The following CD93 variants were observed in gnomAD, a reference collection of about 807,000 sequenced individuals.
CD93 encodes CD93 molecule.
A neutral mutation model predicts 45.5 loss-of-function variants in CD93; 44 were observed. That is an observed-to-expected ratio of 0.97 (90% CI 0.76 to 1.24). The LOEUF is 1.24. CD93 is among the 50% of genes most tolerant of loss of function. The pLI, the probability that CD93 is intolerant of heterozygous loss-of-function variation, is 0.00. For synonymous variants in CD93, 431 were observed against 370.8 expected, an observed-to-expected ratio of 1.16 and a Z score of -1.87; for missense variants, 918 against 844.5, an observed-to-expected ratio of 1.09 and a Z score of -1.08.
chr20:23,085,638 T>G lies in CD93; in HGVS notation c.555A>C (p.Lys185Asn). ...IEGFVCKFSF[K>N]GMCRPLALGG... ...CCAGGGCCAGAGGCCGGCACATGCC[T>G]TTGAAGCTGAACTTGCACACGAAGC... is the stretch of plus-strand genomic sequence containing the variant. Residue 185 changes from lysine to asparagine, a missense_variant, in exon 1 of 2, where the codon AAA becomes AAC. Transcript: ENST00000246006. The G allele has an allele frequency of 6.2e-7, 1 of 1,612,462 alleles. No homozygotes were observed. The highest frequency in any genetic ancestry group is 1.1e-5 in the South Asian group (1 of 91,038).
At position 23,085,455 on chromosome 20, in the gene CD93, A is replaced by G. The variant is rs1179449455; in HGVS notation, c.738T>C (p.Asp246=). The part of the protein sequence containing the change: ...HYFLCKEKAP[D]VFDWGSSGPL... ...GGCCCGAGCTGCCCCAGTCGAACAC[A>G]TCGGGGGCCTTCTCCTTGCACAGGA... The change falls in exon 1 of 2, where the codon GAT becomes GAC. Residue 246 remains aspartate, a synonymous_variant. Coordinates refer to ENST00000246006, the MANE Select transcript of CD93 (RefSeq NM_012072.4). 1.9e-6 allele frequency: 3 copies of G among 1,613,892 alleles called. No individual in the cohort carries two copies. The highest frequency in any genetic ancestry group is 2.5e-6 in the Non-Finnish European group (3 of 1,180,026).
In CD93 at chr20:23,083,308, T is replaced by A. The variant is rs755007164; in HGVS notation, c.*642A>T. ...CAAATAAACCCAAGGCTATTAGAAA[T>A]GTAAGAACTAAAGAGGCACTTCCTG... is the stretch of plus-strand genomic sequence containing the variant. On this transcript the variant is annotated 3_prime_UTR_variant, in exon 2 of 2. Transcript: ENST00000246006. The A allele has an allele frequency of 6.6e-6, 1 of 152,304 alleles. No homozygotes were observed. Among genetic ancestry groups the A allele is most frequent in the African/African-American group, 2.4e-5 (1 of 41,458 alleles). 9.4% of individuals were successfully genotyped at this position (152,304 alleles called of 1,614,324 possible). A position where few individuals can be genotyped will look rare whatever the true frequency, so the allele number is the denominator to read the frequency against.
rs1339431351 is a variant in CD93 at position 23,085,896 on chromosome 20, T to C, written c.297A>G (p.Arg99=). 6.9e-7 allele frequency: 1 copy of C among 1,448,608 alleles called. No individual in the cohort carries two copies. Among genetic ancestry groups the C allele is most frequent in the East Asian group, 3.3e-5 (1 of 30,728 alleles). The allele number at this position is 1,448,608 out of a possible 1,614,324, so 89.7% of individuals were successfully genotyped here. The change falls in exon 1 of 2, where the codon CGA becomes CGG. Residue 99 remains arginine, a synonymous_variant. Transcript: ENST00000246006. ...RMSKFWIGLQ[R]EKGKCLDPSL... is the part of the protein sequence containing the mutation. ...TAGGGTCCAGGCACTTGCCCTTCTC[T>C]CGCTGGAGCCCAATCCAGAACTTGC...
Position 23,084,332 on chromosome 20 carries a change from G to T in CD93, c.1861C>A (p.Pro621Thr). The change falls in exon 1 of 2, where the codon CCC becomes ACC. Residue 621 changes from proline to threonine, a missense_variant. Physicochemically the swap from Pro to Thr is conservative, Grantham distance 38. Transcript: ENST00000246006. ...GAGTAACTGTCTGCCGCATTCTGGG[G>T]CTTCTTCTCCTTCTTCTCCTCCCTC... ...AKREEKKEKK[P>T]QNAADSYSWV... is the part of the protein sequence containing the mutation. 2 of 1,614,212 alleles carry T rather than the reference G, an allele frequency of 1.2e-6. No homozygotes were observed. The highest frequency in any genetic ancestry group is 1.7e-6 in the Non-Finnish European group (2 of 1,180,046).
Position 23,085,203 on chromosome 20 carries a change from G to T in CD93, c.990C>A (p.Cys330Ter). Residue 330 changes from cysteine (C) to a stop codon, truncating the protein, a stop_gained, in exon 1 of 2, where the codon TGC (cysteine) becomes TGA (stop). Coordinates refer to ENST00000246006, the MANE Select transcript of CD93 (RefSeq NM_012072.4). LOFTEE classifies it high-confidence loss of function. ...GPHGKNYTCR[C>*]PQGYQLDSSQ... ...TCGAGTCCAGCTGGTACCCTTGGGG[G>T]CAGCGGCACGTGTAGTTTTTCCCAT... 1 of 1,596,080 alleles carries T rather than the reference G, an allele frequency of 6.3e-7. No individual in the cohort carries two copies. Among genetic ancestry groups the T allele is most frequent in the Non-Finnish European group, 8.5e-7 (1 of 1,170,604 alleles).
chr20:23,085,831 T>TGGGGCCC lies in CD93; in HGVS notation c.361_362insGGGCCCC (p.Glu121GlyfsTer9). ...GTGCCAGTTAGAGTAAGGCGTGTCC[T>TGGGGCCC]CCCCCCCGCCCACCCAGCTGAAGCC... is the stretch of plus-strand genomic sequence containing the variant. On this transcript the variant is annotated frameshift_variant, in exon 1 of 2. Coordinates refer to ENST00000246006, the MANE Select transcript of CD93 (RefSeq NM_012072.4). LOFTEE classifies it high-confidence loss of function. 1.8e-5 allele frequency: 27 copies of TGGGGCCC among 1,490,830 alleles called. No homozygotes were observed. Among genetic ancestry groups the TGGGGCCC allele is most frequent in the Non-Finnish European group, 2.2e-5 (24 of 1,097,478 alleles). 92.4% of individuals were successfully genotyped at this position (1,490,830 alleles called of 1,614,324 possible).
At position 23,086,290 on chromosome 20, in the gene CD93, G is replaced by A; in HGVS notation, c.-98C>T. ...GCTGGGCCCCAAGGGGAGCTGAGGG[G>A]TGAGCTGCAGCCACTCCGGCGCAGA... On this transcript the variant is annotated 5_prime_UTR_variant, in exon 1 of 2. Coordinates refer to ENST00000246006, the MANE Select transcript of CD93 (RefSeq NM_012072.4). 1 of 1,390,194 alleles carries A rather than the reference G, an allele frequency of 7.2e-7. No individual in the cohort carries two copies. Among genetic ancestry groups the A allele is most frequent in the East Asian group, 2.5e-5 (1 of 39,906 alleles). 86.1% of individuals were successfully genotyped at this position (1,390,194 alleles called of 1,614,324 possible).
In CD93 at chr20:23,085,357, CCCCCTTCAAAGCAGT is replaced by C. The variant is rs1196724404; in HGVS notation, c.821_835del (p.Asp274_Gly278del). On this transcript the variant is annotated inframe_deletion, in exon 1 of 2. Transcript: ENST00000246006. ...GCAGCCGCAGAGGAAGGAGCCATCCCCCCCTTCAAAGCAGTCCTGGTGGCAGCCCCCATTGTTGAA... is the reference window on the plus strand; with the variant it reads ...GCAGCCGCAGAGGAAGGAGCCATCCCCCTGGTGGCAGCCCCCATTGTTGAA... 3.7e-6 allele frequency: 6 copies of C among 1,613,920 alleles called. No individual in the cohort carries two copies. Among genetic ancestry groups the C allele is most frequent in the Non-Finnish European group, 5.1e-6 (6 of 1,180,014 alleles).
At position 23,085,648 on chromosome 20, in the gene CD93, A is replaced by C; in HGVS notation, c.545T>G (p.Phe182Cys). Residue 182 changes from phenylalanine to cysteine, a missense_variant, in exon 1 of 2, where the codon TTC becomes TGC. Physicochemically the swap from Phe to Cys is radical, Grantham distance 205. Coordinates refer to ENST00000246006, the MANE Select transcript of CD93 (RefSeq NM_012072.4). Reference sequence around the variant, plus strand: ...AGGCCGGCACATGCCTTTGAAGCTGAACTTGCACACGAAGCCCTCAATGTT... The same window carrying C: ...AGGCCGGCACATGCCTTTGAAGCTGCACTTGCACACGAAGCCCTCAATGTT... ...GSNIEGFVCKFSFKGMCRPLA... is the reference protein window; with the variant it reads ...GSNIEGFVCKCSFKGMCRPLA... 6.2e-7 allele frequency: 1 copy of C among 1,612,180 alleles called. No homozygotes were observed. Among genetic ancestry groups the C allele is most frequent in the Non-Finnish European group, 8.5e-7 (1 of 1,179,494 alleles).
Position 23,081,265 on chromosome 20 carries a change from G to A in CD93, c.*2685C>T, listed in dbSNP as rs898014609. The A allele has an allele frequency of 6.6e-6, 1 of 152,190 alleles. No individual in the cohort carries two copies. The highest frequency in any genetic ancestry group is 2.4e-5 in the African/African-American group (1 of 41,424). The allele number at this position is 152,190 out of a possible 1,614,324, so 9.4% of individuals were successfully genotyped here. A position where few individuals can be genotyped will look rare whatever the true frequency, so the allele number is the denominator to read the frequency against. On this transcript the variant is annotated 3_prime_UTR_variant, in exon 2 of 2. Transcript: ENST00000246006. ...CACTGTGTCTAGCGAGAAGTTAGCA[G>A]GTGGCAGGGTGCACCTCTCCCCATA...
In CD93 at chr20:23,085,539, G is replaced by A. The variant is rs1298255905; in HGVS notation, c.654C>T (p.Ala218=). 1 of 1,613,978 alleles carries A rather than the reference G, an allele frequency of 6.2e-7. No homozygotes were observed. The highest frequency in any genetic ancestry group is 1.1e-5 in the South Asian group (1 of 91,090). Residue 218 remains alanine, a synonymous_variant, in exon 1 of 2, where the codon GCC becomes GCT. Transcript: ENST00000246006. ...CCCCACAGGCTACATTGGCCGCAGA[G>A]GCAAAGGGCACAGCCTCCAAGGAGG... ...TSSSLEAVPF[A]SAANVACGEG... is the part of the protein sequence containing the mutation.
chr20:23,085,831 T>TGCCCCCCCC lies in CD93; in HGVS notation c.361_362insGGGGGGGGC (p.Glu121delinsGlyGlyGlyGln). On this transcript the variant is annotated protein_altering_variant, in exon 1 of 2. Coordinates refer to ENST00000246006, the MANE Select transcript of CD93 (RefSeq NM_012072.4). ...GTGCCAGTTAGAGTAAGGCGTGTCCTCCCCCCCGCCCACCCAGCTGAAGCC... is the reference window on the plus strand; with the variant it reads ...GTGCCAGTTAGAGTAAGGCGTGTCCTGCCCCCCCCCCCCCCCGCCCACCCAGCTGAAGCC... The TGCCCCCCCC allele has an allele frequency of 6.7e-7, 1 of 1,491,286 alleles. No individual in the cohort carries two copies. Among genetic ancestry groups the TGCCCCCCCC allele is most frequent in the Non-Finnish European group, 9.1e-7 (1 of 1,097,896 alleles). The allele number at this position is 1,491,286 out of a possible 1,614,324, so 92.4% of individuals were successfully genotyped here.
chr20:23,084,127 G>T, intron 1 of CD93, 132 bp downstream of exon 1: 1 of 1,412,716 alleles, frequency 7.1e-7, no homozygotes, highest in Non-Finnish European at 1.0e-6. Context: ...AGGTTGAGGG[G>T]TCAGCTGCAA....
rs1276327294 is a variant in CD93, at chr20:23,080,310, A to C, written c.*3640T>G. On this transcript the variant is annotated 3_prime_UTR_variant, in exon 2 of 2. Transcript: ENST00000246006. ...TTTCACAGAAATATTTACAGGAATAAAGGTTGAAACAAAAGTACCTAATGA... is the reference window on the plus strand; with the variant it reads ...TTTCACAGAAATATTTACAGGAATACAGGTTGAAACAAAAGTACCTAATGA... The C allele has an allele frequency of 6.6e-6, 1 of 152,642 alleles. No homozygotes were observed. The highest frequency in any genetic ancestry group is 1.9e-4 in the East Asian group (1 of 5,198). 9.5% of individuals were successfully genotyped at this position (152,642 alleles called of 1,614,324 possible).
rs1004815484 is a variant in CD93 at position 23,084,887 on chromosome 20, C to T, written c.1306G>A (p.Gly436Ser). 2 of 1,612,998 alleles carry T rather than the reference C, an allele frequency of 1.2e-6. No individual in the cohort carries two copies. The highest frequency in any genetic ancestry group is 1.7e-6 in the Non-Finnish European group (2 of 1,179,834). ...QDVDECVGPG[G>S]PLCDSLCFNT... Reference sequence around the variant, plus strand: ...AAGCACAAGCTGTCGCAGAGGGGGCCCCCCGGGCCCACACACTCATCCACG... The same window carrying T: ...AAGCACAAGCTGTCGCAGAGGGGGCTCCCCGGGCCCACACACTCATCCACG... Residue 436 changes from glycine (G) to serine (S), a missense_variant, in exon 1 of 2, where the codon GGC (glycine) becomes AGC (serine). By Grantham distance (56) the Gly-to-Ser change is moderately conservative (BLOSUM62 0). Transcript: ENST00000246006.
chr20:23,084,261 G>T lies in CD93; in HGVS notation c.1932C>A (p.Tyr644Ter), dbSNP rs747053249. ...RAESRAMENQ[Y>*]SPTPGTDC is the part of the protein sequence containing the mutation. ...CGGTCACTCAGGGCCCCCTTTACCT[G>T]TACTGGTTCTCCATGGCCCTGCTCT... The change falls in exon 1 of 2, where the codon TAC (tyrosine) becomes TAA (stop). Residue 644 changes from tyrosine to a stop codon, truncating the protein, a stop_gained and splice_region_variant. Transcript: ENST00000246006. LOFTEE classifies it high-confidence loss of function. The T allele has an allele frequency of 1.9e-6, 3 of 1,613,372 alleles. No homozygotes were observed. Among genetic ancestry groups the T allele is most frequent in the Non-Finnish European group, 1.7e-6 (2 of 1,179,924 alleles).
Position 23,082,742 on chromosome 20 carries a change from C to T in CD93, c.*1208G>A, listed in dbSNP as rs1985358228. ...TTTCCCTCTTCCTTCCCTCCTTACC[C>T]CCAATTTTAAGGAAAAGAGACAGAG... On this transcript the variant is annotated 3_prime_UTR_variant, in exon 2 of 2. Coordinates refer to ENST00000246006, the MANE Select transcript of CD93 (RefSeq NM_012072.4). 6.6e-6 allele frequency: 1 copy of T among 152,216 alleles called. No homozygotes were observed. Among genetic ancestry groups the T allele is most frequent in the Non-Finnish European group, 1.5e-5 (1 of 68,022 alleles). The allele number at this position is 152,216 out of a possible 1,614,324, so 9.4% of individuals were successfully genotyped here. A position where few individuals can be genotyped will look rare whatever the true frequency, so the allele number is the denominator to read the frequency against.
rs1016048328 is a variant in CD93, at chr20:23,079,627, A to C, written c.*4323T>G. ...CTTACATTCTCATTTAGCATTCATG[A>C]AGTGATTACTGACATTTACAATTAC... On this transcript the variant is annotated 3_prime_UTR_variant, in exon 2 of 2. Transcript: ENST00000246006. The C allele has an allele frequency of 6.6e-6, 1 of 152,232 alleles. No individual in the cohort carries two copies. Among genetic ancestry groups the C allele is most frequent in the African/African-American group, 2.4e-5 (1 of 41,456 alleles). The allele number at this position is 152,232 out of a possible 1,614,324, so 9.4% of individuals were successfully genotyped here. A position where few individuals can be genotyped will look rare whatever the true frequency, so the allele number is the denominator to read the frequency against.
At position 23,085,371 on chromosome 20, in the gene CD93, G is replaced by A. The variant is rs777114914; in HGVS notation, c.822C>T (p.Asp274=). The A allele has an allele frequency of 2.5e-6, 4 of 1,613,974 alleles. No homozygotes were observed. Among genetic ancestry groups the A allele is most frequent in the Non-Finnish European group, 3.4e-6 (4 of 1,179,970 alleles). Residue 274 remains aspartate, a synonymous_variant, in exon 1 of 2, where the codon GAC becomes GAT. Coordinates refer to ENST00000246006, the MANE Select transcript of CD93 (RefSeq NM_012072.4). ...AGGAGCCATCCCCCCCTTCAAAGCA[G>A]TCCTGGTGGCAGCCCCCATTGTTGA... ...CNFNNGGCHQ[D]CFEGGDGSFL...
Sources: allele counts gnomAD v4.1 joint callset, GRCh38; gene constraint gnomAD v4.1.1; transcripts MANE v1.5; gene names NCBI Gene and HGNC (gene_info 2026-07-23, HGNC 2026-07-21).